C3orf33: variants seen among roughly 807,000 people sequenced by gnomAD.
C3orf33 encodes the protein mitochondrial inner membrane subdomain organizer 1.
In C3orf33, 23 loss-of-function variants were observed where a neutral mutation model predicts 28.7. The observed-to-expected ratio is 0.80, with a 90% CI of 0.58 to 1.13. C3orf33 has a LOEUF of 1.13. C3orf33 is among the 50% of genes most tolerant of loss of function. C3orf33 has a pLI of 0.00. For missense variants in C3orf33, 327 were observed against 353.4 expected, an observed-to-expected ratio of 0.93 and a Z score of 0.60; for synonymous variants, 119 against 120.5, an observed-to-expected ratio of 0.99 and a Z score of 0.08.
chr3:155,771,674 G>A (rs191683), intron 3 of C3orf33, among the ~76,000 whole-genome samples: 1 of 152,162 alleles, frequency 6.6e-6, no homozygotes, highest in Non-Finnish European at 1.5e-5. Context: ...TGGAAATACA[G>A]GCATGAGCCA....
chr3:155,784,748 ATAAT>A lies in C3orf33; in HGVS notation c.175-8904_175-8901del, dbSNP rs138554558. ...CTCAAAAAAAATAAAATAAAATAAA[ATAAT>A]TAATTAAATAAATAAAATAAAAAAT... On this transcript the variant is annotated intron_variant, in intron 2 of 4. Transcript: ENST00000340171. 2.2e-3 allele frequency among the ~76,000 whole-genome samples: 338 copies of A among 151,358 alleles called. 7 individuals carry two copies. In the East Asian group the frequency reaches 0.055, roughly 25 times the overall value.
At chr3:155,776,505 C>T (rs184964635) in intron 2 of C3orf33, among the ~76,000 whole-genome samples, 1 of 152,086 alleles carries the variant, frequency 6.6e-6, no homozygotes, top group East Asian at 1.9e-4. Flanking sequence ...AAGGAAAAGC[C>T]AGGCACGATG....
chr3:155,769,568 C>T (rs1336611329), intron 3 of C3orf33, among the ~76,000 whole-genome samples: 1 of 150,900 alleles, frequency 6.6e-6, no homozygotes, highest in Admixed American at 6.6e-5. Flanking sequence ...TACAATAATA[C>T]ACAAATTAGA....
At chr3:155,801,052 G>A (rs945264512) in intron 2 of C3orf33, among the ~76,000 whole-genome samples, 2 of 152,020 alleles carry the variant, frequency 1.3e-5, no homozygotes, top group African/African-American at 4.8e-5. Flanking sequence ...TAGGACGGGT[G>A]TTGTTATCCC....
intron 2 of C3orf33, among the ~76,000 whole-genome samples, chr3:155,793,759 G>A (rs112685959): frequency 0.024 from 3,045 of 129,348 alleles, 112 homozygotes; most frequent in African/African-American, 0.081. Flanking sequence ...GCAGTGAGCC[G>A]AGATCGCACC....
chr3:155,788,187 T>C (rs1751195213), intron 2 of C3orf33, among the ~76,000 whole-genome samples: 1 of 122,036 alleles, frequency 8.2e-6, no homozygotes, highest in Non-Finnish European at 1.9e-5. Context: ...CGAGACTCCG[T>C]CTCAAAAAAA....
chr3:155,780,992 C>CTTTTTTT (rs746458091), intron 2 of C3orf33, among the ~76,000 whole-genome samples: 204 of 141,154 alleles, frequency 1.4e-3, no homozygotes, highest in African/African-American at 4.8e-3. Flanking sequence ...CTCTAGACTT[C>CTTTTTTT]TTTTTTTTTT....
At chr3:155,784,017 C>G (rs543195717) in intron 2 of C3orf33, among the ~76,000 whole-genome samples, 1 of 151,408 alleles carries the variant, frequency 6.6e-6, no homozygotes, top group Non-Finnish European at 1.5e-5. Flanking sequence ...CCACAACCTC[C>G]GCCTCCCGGG....
chr3:155,775,691 C>T lies in C3orf33; in HGVS notation c.322+10G>A. The T allele has an allele frequency of 1.3e-6, 2 of 1,497,276 alleles. No individual in the cohort carries two copies. The highest frequency in any genetic ancestry group is 2.3e-5 in the East Asian group (1 of 42,948). The allele number at this position is 1,497,276 out of a possible 1,614,324, so 92.7% of individuals were successfully genotyped here. ...AATAGTTAGTTTCATTAATCTTGTACCTTACTTACTTCTCAATGAAGCTAT... is the reference window on the plus strand; with the variant it reads ...AATAGTTAGTTTCATTAATCTTGTATCTTACTTACTTCTCAATGAAGCTAT... On this transcript the variant is annotated intron_variant, in intron 3 of 4. Coordinates refer to ENST00000340171, the MANE Select transcript of C3orf33 (RefSeq NM_001308229.2).
chr3:155,783,158 T>C (rs1037563789), intron 2 of C3orf33, among the ~76,000 whole-genome samples: 9 of 90,922 alleles, frequency 9.9e-5, no homozygotes, highest in African/African-American at 4.9e-4. Context: ...CCATTCTACA[T>C]TTTTTTTTTT....
In C3orf33 at chr3:155,806,124, G is replaced by A. The variant is rs1751802520; in HGVS notation, c.114+15C>T. 3.6e-6 allele frequency: 5 copies of A among 1,407,202 alleles called. No homozygotes were observed. The highest frequency in any genetic ancestry group is 4.7e-6 in the Non-Finnish European group (5 of 1,066,168). 87.2% of individuals were successfully genotyped at this position (1,407,202 alleles called of 1,614,324 possible). A position where few individuals can be genotyped will look rare whatever the true frequency, so the allele number is the denominator to read the frequency against. Reference sequence around the variant, plus strand: ...CCCGCGCCCACCACCCGCCCAGACTGCGTGGCCCCAGTACCCGGACTAGGC... The same window carrying A: ...CCCGCGCCCACCACCCGCCCAGACTACGTGGCCCCAGTACCCGGACTAGGC... On this transcript the variant is annotated intron_variant, in intron 1 of 4. Coordinates refer to ENST00000340171, the MANE Select transcript of C3orf33 (RefSeq NM_001308229.2).
At chr3:155,803,564 C>CAAAAA (rs63676264) in intron 1 of C3orf33, among the ~76,000 whole-genome samples, 21 of 53,728 alleles carry the variant, frequency 3.9e-4, no homozygotes, top group South Asian at 9.6e-4. Context: ...GACTCAGTCT[C>CAAAAA]AAAAAAAAAA....
intron 4 of C3orf33, among the ~76,000 whole-genome samples, chr3:155,765,061 A>G (rs1379682613): frequency 6.6e-6 from 1 of 152,262 alleles, no homozygotes; most frequent in Non-Finnish European, 1.5e-5. Context: ...CAAACTCAGT[A>G]TAATTAAAAT....
At chr3:155,803,564 C>CAA (rs63676264) in intron 1 of C3orf33, among the ~76,000 whole-genome samples, 1,067 of 53,328 alleles carry the variant, frequency 0.02, 56 homozygotes, top group Admixed American at 0.033. Context: ...GACTCAGTCT[C>CAA]AAAAAAAAAA....
At chr3:155,795,404 C>T (rs941058453) in intron 2 of C3orf33, among the ~76,000 whole-genome samples, 10 of 151,804 alleles carry the variant, frequency 6.6e-5, no homozygotes, top group Admixed American at 1.3e-4. Flanking sequence ...TGGAGTGAGC[C>T]GAGAGCGTGC....
chr3:155,776,219 G>A (rs73159011), intron 2 of C3orf33, among the ~76,000 whole-genome samples: 14,975 of 152,128 alleles, frequency 0.098, 991 homozygotes, highest in Middle Eastern at 0.16. Flanking sequence ...ATCTATTCAT[G>A]CATATACTGA....
intron 1 of C3orf33, among the ~76,000 whole-genome samples, chr3:155,805,915 G>A (rs992859971): frequency 4.6e-5 from 7 of 152,130 alleles, no homozygotes; most frequent in Non-Finnish European, 8.8e-5. Context: ...ATCCAGAACA[G>A]TCCTTGTAAT....
At chr3:155,778,141 CAAAAAAAAAAAAAA>C (rs55700532) in intron 2 of C3orf33, among the ~76,000 whole-genome samples, 1 of 75,768 alleles carries the variant, frequency 1.3e-5, no homozygotes, top group South Asian at 6.3e-4. Context: ...AACTCCATTT[CAAAAAAAAAAAAAA>C]AAAAAAAACA....
chr3:155,766,941 C>T lies in C3orf33; in HGVS notation c.483+568G>A, dbSNP rs145903072. On this transcript the variant is annotated intron_variant, in intron 4 of 4. Coordinates refer to ENST00000340171, the MANE Select transcript of C3orf33 (RefSeq NM_001308229.2). ...CTCCAGCCTGGGCAACAGAGTGAGA[C>T]TCTGTTTCAAAAAATAATAATCATA... is the stretch of plus-strand genomic sequence containing the variant. Among the ~76,000 whole-genome samples, 904 of 151,454 alleles carry T rather than the reference C, an allele frequency of 6.0e-3. 6 individuals carry two copies. Among genetic ancestry groups the T allele is most frequent in the Middle Eastern group, 0.01 (3 of 286 alleles).
Sources: gnomAD v4.1 joint callset for allele counts (sites outside exome capture counted in the v4.1 genomes callset) on GRCh38, gnomAD v4.1.1 for gene constraint, MANE v1.5 for transcripts, NCBI Gene and HGNC (gene_info 2026-07-23, HGNC 2026-07-21) for gene names.